The following TBXAS1 variants were observed in gnomAD, a reference collection of about 807,000 sequenced individuals.
The protein encoded by TBXAS1 is thromboxane A synthase 1, also known as thromboxane-A synthase.
A neutral mutation model predicts 60.7 loss-of-function variants in TBXAS1; 48 were observed. The ratio of observed to expected loss-of-function variants is 0.79; its 90% CI spans 0.63 to 1.01. The LOEUF (loss-of-function observed/expected upper bound fraction) is 1.01. Ranked by LOEUF, TBXAS1 falls within the 50% of genes least tolerant of loss-of-function variation. The pLI, the probability that TBXAS1 is intolerant of heterozygous loss-of-function variation, is 0.00. For missense variants in TBXAS1, 685 were observed against 686.3 expected, an observed-to-expected ratio of 1.00 and a Z score of 0.02; for synonymous variants, 287 against 269.7, an observed-to-expected ratio of 1.06 and a Z score of -0.63.
chr7:139,994,480 A>T (rs1190051249), intron 9 of TBXAS1, among the ~76,000 whole-genome samples: 1 of 152,098 alleles, frequency 6.6e-6, no homozygotes, highest in Non-Finnish European at 1.5e-5. Flanking sequence ...ACCAGTCACC[A>T]TTTAGGCCTC....
chr7:139,973,758 G>A (rs1173555534), intron 9 of TBXAS1, among the ~76,000 whole-genome samples: 1 of 151,978 alleles, frequency 6.6e-6, no homozygotes, highest in African/African-American at 2.4e-5. Context: ...AGATTGGGTC[G>A]CTAGGACACA....
intron 4 of TBXAS1, among the ~76,000 whole-genome samples, chr7:139,926,550 T>C (rs183131057): frequency 6.6e-6 from 1 of 152,272 alleles, no homozygotes; most frequent in Admixed American, 6.5e-5. Context: ...TAAAGGTTTG[T>C]CAATTTTGTT....
At chr7:139,919,831 G>C (rs1312289315) in intron 4 of TBXAS1, among the ~76,000 whole-genome samples, 3 of 152,172 alleles carry the variant, frequency 2.0e-5, no homozygotes, top group Non-Finnish European at 4.4e-5. Flanking sequence ...CTAATTGCTG[G>C]AGAATGACCC....
intron 3 of TBXAS1, among the ~76,000 whole-genome samples, chr7:139,904,794 C>G (rs1272372180): frequency 2.6e-5 from 4 of 152,100 alleles, no homozygotes; most frequent in African/African-American, 7.2e-5. Flanking sequence ...GTACATTAAT[C>G]TTGTATCTGG....
chr7:140,016,379 C>T (rs1815074327), intron 11 of TBXAS1: 2 of 246,872 alleles, frequency 8.1e-6, no homozygotes, highest in Non-Finnish European at 1.6e-5. Flanking sequence ...AATAATTATA[C>T]CATTTTTTCA....
At chr7:140,014,342 C>T (rs1814850107) in intron 10 of TBXAS1, among the ~76,000 whole-genome samples, 1 of 152,086 alleles carries the variant, frequency 6.6e-6, no homozygotes, top group East Asian at 1.9e-4. Flanking sequence ...AGGCCGACTT[C>T]GAGGATTCTG....
chr7:139,898,807 A>T (rs963037538), intron 3 of TBXAS1, among the ~76,000 whole-genome samples: 4 of 152,120 alleles, frequency 2.6e-5, no homozygotes, highest in African/African-American at 9.7e-5. Flanking sequence ...AACTATTCTC[A>T]TCTGACCTCA....
chr7:139,817,965 C>CAGT (rs1406174081), intron 4 of TBXAS1, among the ~76,000 whole-genome samples: 1 of 152,190 alleles, frequency 6.6e-6, no homozygotes, highest in African/African-American at 2.4e-5. Flanking sequence ...AAAACACAGG[C>CAGT]AGTAGTACAT....
intron 3 of TBXAS1, among the ~76,000 whole-genome samples, chr7:139,785,735 A>G (rs948257071): frequency 6.6e-6 from 1 of 151,742 alleles, no homozygotes; most frequent in East Asian, 1.9e-4. Flanking sequence ...AACCTTCATC[A>G]CCTTAACCTG....
chr7:139,840,513 G>T (rs1799362122), intron 1 of TBXAS1, among the ~76,000 whole-genome samples: 1 of 152,070 alleles, frequency 6.6e-6, no homozygotes, highest in South Asian at 2.1e-4. Flanking sequence ...CAGTGTTTTC[G>T]CAGCGTCTTT....
At chr7:139,955,103 T>C (rs1797610258) in intron 6 of TBXAS1, among the ~76,000 whole-genome samples, 1 of 152,156 alleles carries the variant, frequency 6.6e-6, no homozygotes, top group Admixed American at 6.5e-5. Flanking sequence ...GTGCCCTCCT[T>C]CCCAGGGAGG....
chr7:139,892,640 A>C (rs1383987312), intron 3 of TBXAS1, among the ~76,000 whole-genome samples: 1 of 152,068 alleles, frequency 6.6e-6, no homozygotes, highest in Non-Finnish European at 1.5e-5. Context: ...AACAAACAAA[A>C]AAACTTGAGC....
intron 4 of TBXAS1, among the ~76,000 whole-genome samples, chr7:139,805,192 T>C (rs1269814414): frequency 6.6e-6 from 1 of 152,256 alleles, no homozygotes; most frequent in Non-Finnish European, 1.5e-5. Flanking sequence ...GAACATTGCA[T>C]GTGTGTTTCC....
intron 9 of TBXAS1, among the ~76,000 whole-genome samples, chr7:139,988,768 A>T (rs1395098566): frequency 6.6e-6 from 1 of 152,140 alleles, no homozygotes; most frequent in Non-Finnish European, 1.5e-5. Context: ...CCACACCTCC[A>T]ATCAACTCCA....
chr7:139,889,237 G>A (rs1466410183), intron 3 of TBXAS1, among the ~76,000 whole-genome samples: 2 of 151,682 alleles, frequency 1.3e-5, no homozygotes, highest in Admixed American at 6.6e-5. Flanking sequence ...TGGAGGCTGA[G>A]ATAGGAGGAT....
intron 4 of TBXAS1, among the ~76,000 whole-genome samples, chr7:139,803,371 G>A (rs1297774856): frequency 6.6e-6 from 1 of 152,126 alleles, no homozygotes; most frequent in Non-Finnish European, 1.5e-5. Flanking sequence ...TGAGAGAGAC[G>A]ATTTAGGGTA....
intron 2 of TBXAS1, among the ~76,000 whole-genome samples, chr7:139,781,694 A>T (rs370942497): frequency 6.6e-5 from 10 of 151,950 alleles, no homozygotes; most frequent in African/African-American, 1.9e-4. Flanking sequence ...AATTAGCCAG[A>T]CGTGGCGGTG....
chr7:139,918,134 T>C (rs1027802253), intron 4 of TBXAS1, among the ~76,000 whole-genome samples: 1 of 152,228 alleles, frequency 6.6e-6, no homozygotes, highest in African/African-American at 2.4e-5. Context: ...TTCTAAGCCA[T>C]AGCTCAGTAG....
chr7:139,890,290 A>G (rs1170885220), intron 3 of TBXAS1, among the ~76,000 whole-genome samples: 1 of 132,522 alleles, frequency 7.5e-6, no homozygotes, highest in Non-Finnish European at 1.5e-5. Context: ...ATCTCCGCTC[A>G]CTGCAAGCTC....
Sources: gnomAD v4.1 joint callset for allele counts (sites outside exome capture counted in the v4.1 genomes callset) on GRCh38, gnomAD v4.1.1 for gene constraint, MANE v1.5 for transcripts, NCBI Gene and HGNC (gene_info 2026-07-23, HGNC 2026-07-21) for gene names.